Variants in NPTN observed in about 807,000 individuals in gnomAD.
NPTN encodes the protein neuroplastin.
Under a neutral mutation model 42.7 loss-of-function variants are expected in NPTN, and 5 were observed. The ratio of observed to expected loss-of-function variants is 0.12; its 90% confidence interval spans 0.06 to 0.25. NPTN has a LOEUF of 0.25. NPTN is among the 10% of genes least tolerant of loss of function. NPTN has a pLI of 1.00. For missense variants in NPTN, 307 were observed against 525.4 expected (o/e 0.58, Z 4.06); for synonymous variants, 180 against 201.9 (o/e 0.89, Z 0.92).
intron 1 of NPTN, among the ~76,000 whole-genome samples, chr15:73,622,400 C>T (rs950927423): frequency 7.9e-5 from 12 of 151,370 alleles, no homozygotes; most frequent in Non-Finnish European, 1.8e-4. Flanking sequence ...AAGGGCAATC[C>T]TTAAACGAGA....
At chr15:73,619,422 C>A (rs1898022713) in intron 1 of NPTN, among the ~76,000 whole-genome samples, 1 of 152,154 alleles carries the variant, frequency 6.6e-6, no homozygotes, top group East Asian at 1.9e-4. Flanking sequence ...ACTCATGCTG[C>A]TAAATTTCTA....
chr15:73,613,952 C>T (rs1471331088), intron 1 of NPTN, among the ~76,000 whole-genome samples: 2 of 152,150 alleles, frequency 1.3e-5, no homozygotes, highest in Non-Finnish European at 2.9e-5. Context: ...TCCCAAAGTG[C>T]GGGGATTACA....
intron 2 of NPTN, among the ~76,000 whole-genome samples, chr15:73,596,366 A>C (rs1292399786): frequency 6.6e-6 from 1 of 152,178 alleles, no homozygotes; most frequent in African/African-American, 2.4e-5. Flanking sequence ...CTTACATGCC[A>C]CCCAACAACC....
chr15:73,592,077 G>A lies in NPTN; in HGVS notation c.500C>T (p.Thr167Ile), dbSNP rs751038909. ...GCTGGAGGTGAGGTTACACTGCAGG[G>A]TGACAGGGAGAACAGGGCTGTCTCG... ...IIRDSPVLPVTLQCNLTSSSH... is the reference protein window; with the variant it reads ...IIRDSPVLPVILQCNLTSSSH... Residue 167 changes from threonine (T) to isoleucine (I), a missense_variant, in exon 3 of 9, where the codon ACC becomes ATC. Thr to Ile is a moderately conservative substitution (Grantham distance 89, BLOSUM62 -1). Coordinates refer to ENST00000345330, the MANE Select transcript of NPTN (RefSeq NM_012428.4). The A allele has an allele frequency of 3.7e-6, 6 of 1,614,082 alleles. No individual in the cohort carries two copies. Among genetic ancestry groups the A allele is most frequent in the Admixed American group, 1.7e-5 (1 of 60,024 alleles).
intron 1 of NPTN, among the ~76,000 whole-genome samples, chr15:73,625,651 A>G (rs2141477893): frequency 6.6e-6 from 1 of 152,230 alleles, no homozygotes; most frequent in South Asian, 2.1e-4. Flanking sequence ...TTTTTCAAGT[A>G]ATTTCAACAT....
At chr15:73,591,621 C>T (rs935882992) in intron 3 of NPTN, 6 of 161,948 alleles carry the variant, frequency 3.7e-5, no homozygotes, top group Non-Finnish European at 6.7e-5. Flanking sequence ...TTTCTTCAAA[C>T]CTAACTTCAA....
intron 1 of NPTN, among the ~76,000 whole-genome samples, chr15:73,610,608 C>T (rs1897531946): frequency 6.6e-6 from 1 of 152,128 alleles, no homozygotes; most frequent in African/African-American, 2.4e-5. Flanking sequence ...AAACCAACTC[C>T]CACTCTGCAG....
chr15:73,630,573 TGA>T (rs1215421334), intron 1 of NPTN, among the ~76,000 whole-genome samples: 2 of 152,240 alleles, frequency 1.3e-5, no homozygotes, highest in Non-Finnish European at 2.9e-5. Flanking sequence ...CAAGAGACCT[TGA>T]GAGTCATACA....
chr15:73,568,443 G>C (rs555357438), intron 6 of NPTN: 374 of 985,262 alleles, frequency 3.8e-4, no homozygotes, highest in Non-Finnish European at 4.4e-4. Context: ...GGATAAAAAG[G>C]CCCTTTTCAG....
At chr15:73,609,184 T>C (rs1011358610) in intron 1 of NPTN, among the ~76,000 whole-genome samples, 1 of 152,194 alleles carries the variant, frequency 6.6e-6, no homozygotes, top group East Asian at 1.9e-4. Context: ...GACAACACTT[T>C]TAATAATGTC....
Position 73,560,153 on chromosome 15 carries a change from C to T in NPTN, c.*910G>A. Reference sequence around the variant, plus strand: ...CATGAGAACCGTTAGGTTATAAAATCTATCATCAACCAGTAAATCAATGTG... The same window carrying T: ...CATGAGAACCGTTAGGTTATAAAATTTATCATCAACCAGTAAATCAATGTG... On this transcript the variant is annotated 3_prime_UTR_variant, in exon 9 of 9. Coordinates refer to ENST00000345330, the MANE Select transcript of NPTN (RefSeq NM_012428.4). The T allele has an allele frequency of 2.9e-6, 1 of 344,508 alleles. No homozygotes were observed. The allele number at this position is 344,508 out of a possible 1,614,324, so 21.3% of individuals were successfully genotyped here.
intron 3 of NPTN, 136 bp downstream of exon 3, chr15:73,591,827 AGAT>A (rs1406334809): frequency 1.4e-6 from 1 of 724,162 alleles, no homozygotes; most frequent in Non-Finnish European, 2.2e-6. Flanking sequence ...GCCTTACCTG[AGAT>A]ACTGGATTGG....
chr15:73,618,707 C>T (rs1415247204), intron 1 of NPTN, among the ~76,000 whole-genome samples: 1 of 152,020 alleles, frequency 6.6e-6, no homozygotes, highest in Non-Finnish European at 1.5e-5. Flanking sequence ...CATGGTGGCA[C>T]GCACCTGTGG....
intron 4 of NPTN, among the ~76,000 whole-genome samples, chr15:73,580,412 TA>T (rs1236930450): frequency 5.1e-5 from 5 of 98,954 alleles, no homozygotes; most frequent in African/African-American, 2.2e-4. Context: ...ATATATATAA[TA>T]TATATATAAT....
chr15:73,578,225 G>A (rs899949821), intron 4 of NPTN, among the ~76,000 whole-genome samples: 5 of 152,104 alleles, frequency 3.3e-5, no homozygotes, highest in Non-Finnish European at 7.4e-5. Flanking sequence ...GAAGCCACTG[G>A]TGAATACTAT....
rs1446039374 is a variant in NPTN at position 73,597,410 on chromosome 15, AG to A, written c.92-42del. 8.6e-6 allele frequency: 12 copies of A among 1,400,598 alleles called. No homozygotes were observed. Among genetic ancestry groups the A allele is most frequent in the South Asian group, 2.5e-5 (2 of 78,530 alleles). 86.8% of individuals were successfully genotyped at this position (1,400,598 alleles called of 1,614,324 possible). Reference sequence around the variant, plus strand: ...GCAGGAATGCAGTGACAGGCCAATCAGAAAAAAAAAAAAGAATCAACAGGTG... The same window carrying A: ...GCAGGAATGCAGTGACAGGCCAATCAAAAAAAAAAAAAGAATCAACAGGTG... On this transcript the variant is annotated intron_variant, in intron 1 of 8. Coordinates refer to ENST00000345330, the MANE Select transcript of NPTN (RefSeq NM_012428.4). The surrounding 1 kb of genome is among the most constrained non-coding windows in gnomAD (Gnocchi z 6.3).
chr15:73,591,448 C>T (rs1034139699), intron 3 of NPTN, among the ~76,000 whole-genome samples: 1 of 152,172 alleles, frequency 6.6e-6, no homozygotes, highest in Non-Finnish European at 1.5e-5. Flanking sequence ...TTCCAGGCTA[C>T]CATCCTCAAT....
At chr15:73,604,613 T>C (rs1360880164) in intron 1 of NPTN, among the ~76,000 whole-genome samples, 1 of 152,176 alleles carries the variant, frequency 6.6e-6, no homozygotes, top group Non-Finnish European at 1.5e-5. Context: ...GCTCACCTTA[T>C]AGGGAAATGA....
At chr15:73,568,005 A>C in intron 6 of NPTN, 1 of 985,402 alleles carries the variant, frequency 1.0e-6, no homozygotes, top group Non-Finnish European at 1.2e-6. Flanking sequence ...CTTAGTTTAA[A>C]AGAGGTACTT....
Sources: gnomAD v4.1 joint callset for allele counts (sites outside exome capture counted in the v4.1 genomes callset) on GRCh38, gnomAD v4.1.1 for gene constraint, Gnocchi (gnomAD v3.1) non-coding constraint, MANE v1.5 for transcripts, NCBI Gene and HGNC (gene_info 2026-07-23, HGNC 2026-07-21) for gene names.